The following CFAP53 variants were observed in gnomAD, a reference collection of about 807,000 sequenced individuals.
CFAP53 encodes cilia- and flagella-associated protein 53.
A neutral mutation model predicts 59.7 loss-of-function variants in CFAP53; 62 were observed. The observed-to-expected ratio is 1.04, with a 90% CI of 0.85 to 1.28. CFAP53 has a LOEUF of 1.28. CFAP53 is among the 50% of genes most tolerant of loss of function. The probability of loss-of-function intolerance (pLI) is 0.00; values close to 1 mark genes in which losing one functional copy is unlikely to be tolerated. For synonymous variants in CFAP53, 218 were observed against 205.7 expected (o/e 1.06, Z -0.51); for missense variants, 629 against 615.6 (o/e 1.02, Z -0.23).
At chr18:50,237,927 T>TAG (rs35345358) in intron 7 of CFAP53, among the ~76,000 whole-genome samples, 48,842 of 151,984 alleles carry the variant, frequency 0.32, 8,098 homozygotes, top group African/African-American at 0.4. Context: ...TCTAGCTGAT[T>TAG]AGGCCAGCCT....
chr18:50,245,352 G>A (rs2033733724), intron 5 of CFAP53, among the ~76,000 whole-genome samples: 3 of 139,824 alleles, frequency 2.1e-5, no homozygotes, highest in South Asian at 2.2e-4. Flanking sequence ...ACTGCAGTCC[G>A]CAGTCCGGCC....
chr18:50,239,908 T>A (rs1277914718), intron 6 of CFAP53, among the ~76,000 whole-genome samples: 1 of 152,222 alleles, frequency 6.6e-6, no homozygotes, highest in Non-Finnish European at 1.5e-5. Context: ...TCTCAATAAA[T>A]TTTCCATGTT....
intron 7 of CFAP53, among the ~76,000 whole-genome samples, chr18:50,238,302 G>GA (rs2033656760): frequency 6.6e-6 from 1 of 152,184 alleles, no homozygotes; most frequent in South Asian, 2.1e-4. Context: ...GCCCAGGTTG[G>GA]AGTGTAGTGG....
chr18:50,264,953 A>C (rs1319403710), intron 1 of CFAP53, among the ~76,000 whole-genome samples: 3 of 152,210 alleles, frequency 2.0e-5, no homozygotes, highest in Non-Finnish European at 4.4e-5. Flanking sequence ...TTCCAGCTCC[A>C]GATCTTACAG....
At chr18:50,238,782 C>T in intron 6 of CFAP53, 77 bp from the exon 7 acceptor site, 1 of 1,031,620 alleles carries the variant, frequency 9.7e-7, no homozygotes, top group Non-Finnish European at 1.5e-6. Flanking sequence ...GCACCAGAGT[C>T]ATATTGTCTT....
rs370172397 is a variant in CFAP53 at position 50,266,492 on chromosome 18, G to A, written c.-88C>T. ...CGGGACCCGCTTCCGCGACGCAGAA[G>A]TCTGGTTGCCATGGTGCGCCTCGCG... On this transcript the variant is annotated 5_prime_UTR_variant, in exon 1 of 8. Coordinates refer to ENST00000398545, the MANE Select transcript of CFAP53 (RefSeq NM_145020.5). 11 of 1,361,888 alleles carry A rather than the reference G, an allele frequency of 8.1e-6. No homozygotes were observed. The African/African-American group carries it at 8.6e-5, about 11-fold the overall frequency. The allele number at this position is 1,361,888 out of a possible 1,614,324, so 84.4% of individuals were successfully genotyped here. A position where few individuals can be genotyped will look rare whatever the true frequency, so the allele number is the denominator to read the frequency against.
intron 3 of CFAP53, among the ~76,000 whole-genome samples, chr18:50,259,499 C>CA (rs756197294): frequency 2.6e-3 from 303 of 118,730 alleles, no homozygotes; most frequent in African/African-American, 6.4e-3. Flanking sequence ...TAATGGGTAC[C>CA]AAAAAAAAAA....
In CFAP53 at chr18:50,243,027, T is replaced by A. The variant is rs775661778; in HGVS notation, c.1086A>T (p.Arg362Ser). Residue 362 changes from arginine to serine, a missense_variant, in exon 6 of 8, where the codon AGA becomes AGT. Physicochemically the swap from Arg to Ser is moderately radical, Grantham distance 110 (BLOSUM62 -1). Coordinates refer to ENST00000398545, the MANE Select transcript of CFAP53 (RefSeq NM_145020.5). ...TCTTTGCCTTGTCTTCCTCTAATAT[T>A]CTGTCAAATTCTTTCTCCTGAGCTT... is the stretch of plus-strand genomic sequence containing the variant. Reference protein sequence around the residue: ...EEKAQEKEFDRILEEDKAKKL... With the variant: ...EEKAQEKEFDSILEEDKAKKL... 2 of 1,614,008 alleles carry A rather than the reference T, an allele frequency of 1.2e-6. No individual in the cohort carries two copies. Among genetic ancestry groups the A allele is most frequent in the South Asian group, 2.2e-5 (2 of 91,076 alleles).
In CFAP53 at chr18:50,250,889, G is replaced by A. The variant is rs1165231538; in HGVS notation, c.865C>T (p.Gln289Ter). 26 of 1,613,884 alleles carry A rather than the reference G, an allele frequency of 1.6e-5. No homozygotes were observed. Among genetic ancestry groups the A allele is most frequent in the Non-Finnish European group, 2.1e-5 (25 of 1,179,966 alleles). The part of the protein sequence containing the change: ...KAKQETRTIL[Q>*]KALQERIEHI... ...TCTATCCTCTCTTGTAGGGCTTTTT[G>A]CAAAATGGTCCTAGTTTCCTGCTTT... Residue 289 changes from glutamine to a stop codon, truncating the protein, a stop_gained, in exon 5 of 8, where the codon CAA becomes TAA. Coordinates refer to ENST00000398545, the MANE Select transcript of CFAP53 (RefSeq NM_145020.5). LOFTEE classifies it high-confidence loss of function.
chr18:50,258,522 A>C (rs2033864651), intron 3 of CFAP53, among the ~76,000 whole-genome samples: 1 of 152,168 alleles, frequency 6.6e-6, no homozygotes, highest in Non-Finnish European at 1.5e-5. Context: ...TTGGGGAAAA[A>C]TCTCTAGGAC....
At chr18:50,239,573 T>A (rs193094744) in intron 6 of CFAP53, among the ~76,000 whole-genome samples, 17 of 152,282 alleles carry the variant, frequency 1.1e-4, no homozygotes, top group African/African-American at 4.1e-4. Context: ...GAGATGGTAA[T>A]CTGGAATTCT....
At chr18:50,237,230 G>A (rs1425486018) in intron 7 of CFAP53, among the ~76,000 whole-genome samples, 1 of 139,942 alleles carries the variant, frequency 7.1e-6, no homozygotes, top group Non-Finnish European at 1.5e-5. Flanking sequence ...GCTTGAACCC[G>A]GGAGTCGGAG....
intron 6 of CFAP53, among the ~76,000 whole-genome samples, 157 bp from the exon 7 acceptor site, chr18:50,238,862 G>T (rs1275310047): frequency 6.6e-6 from 1 of 151,920 alleles, no homozygotes; most frequent in Admixed American, 6.6e-5. Context: ...TCTCAATTGA[G>T]AAATAAATTG....
In CFAP53 at chr18:50,245,384, G is replaced by A. The variant is rs1403175716; in HGVS notation, c.997-2268C>T. On this transcript the variant is annotated intron_variant, in intron 5 of 7. Coordinates refer to ENST00000398545, the MANE Select transcript of CFAP53 (RefSeq NM_145020.5). ...GGCCTGGGCGACAGAGCGAGACTCCGTCTCAAAAAAAAAAAAAAAAAAAAA... is the reference window on the plus strand; with the variant it reads ...GGCCTGGGCGACAGAGCGAGACTCCATCTCAAAAAAAAAAAAAAAAAAAAA... Among the ~76,000 whole-genome samples, 24 of 39,644 alleles carry A rather than the reference G, an allele frequency of 6.1e-4. No individual in the cohort carries two copies. In the South Asian group the frequency reaches 0.01, roughly 17 times the overall value. 26.0% of individuals were successfully genotyped at this position (39,644 alleles called of 152,430 possible). A position where few individuals can be genotyped will look rare whatever the true frequency, so the allele number is the denominator to read the frequency against.
intron 7 of CFAP53, among the ~76,000 whole-genome samples, chr18:50,235,874 C>G (rs1041200286): frequency 2.0e-5 from 3 of 152,200 alleles, no homozygotes; most frequent in Non-Finnish European, 2.9e-5. Flanking sequence ...CTATACACCC[C>G]TGGTGGGCAA....
intron 7 of CFAP53, 97 bp from the exon 8 acceptor site, chr18:50,227,706 T>A: frequency 2.1e-6 from 2 of 956,060 alleles, no homozygotes; most frequent in Non-Finnish European, 3.2e-6. Context: ...AAAGTCAAAT[T>A]AAATTCCCAT....
Position 50,266,400 on chromosome 18 carries a change from T to C in CFAP53, c.5A>G (p.Tyr2Cys), listed in dbSNP as rs769415616. The C allele has an allele frequency of 2.5e-6, 4 of 1,614,252 alleles. No individual in the cohort carries two copies. In the Admixed American group the frequency reaches 6.7e-5, roughly 27 times the overall value. M[Y>C]SQRFGTVQRE... Reference sequence around the variant, plus strand: ...CTGTACGGTGCCAAACCGCTGGCTGTACATTTTCGAGTCCCCTTCGGGACG... The same window carrying C: ...CTGTACGGTGCCAAACCGCTGGCTGCACATTTTCGAGTCCCCTTCGGGACG... Residue 2 changes from tyrosine to cysteine, a missense_variant, in exon 1 of 8, where the codon TAC becomes TGC. Transcript: ENST00000398545.
At chr18:50,230,761 C>T (rs1472943042) in intron 7 of CFAP53, among the ~76,000 whole-genome samples, 1 of 152,020 alleles carries the variant, frequency 6.6e-6, no homozygotes, top group African/African-American at 2.4e-5. Flanking sequence ...TCTTGGACAC[C>T]CAGTTGGGGT....
chr18:50,255,878 A>AT (rs200462093), intron 3 of CFAP53, among the ~76,000 whole-genome samples: 3,618 of 151,998 alleles, frequency 0.024, 154 homozygotes, highest in African/African-American at 0.083. Context: ...ACAAAAAAAA[A>AT]AAGAGGAAAA....
Sources: gnomAD v4.1 joint callset for allele counts (sites outside exome capture counted in the v4.1 genomes callset) on GRCh38, gnomAD v4.1.1 for gene constraint, MANE v1.5 for transcripts, NCBI Gene and HGNC (gene_info 2026-07-23, HGNC 2026-07-21) for gene names.